VIT: variants seen among roughly 807,000 people sequenced by gnomAD.
VIT encodes the protein vitrin.
VIT carries 99 observed loss-of-function variants against 78.0 expected under a neutral mutation model. That is an observed-to-expected ratio of 1.27 (90% confidence interval 1.08 to 1.50). The LOEUF is 1.50. Ranked by LOEUF, VIT falls within the 40% of genes most tolerant of loss-of-function variation. The pLI, the probability that VIT is intolerant of heterozygous loss-of-function variation, is 0.00. For synonymous variants in VIT, 374 were observed against 334.3 expected (o/e 1.12, Z -1.29); for missense variants, 1,126 against 875.3 (o/e 1.29, Z -3.61).
intron 6 of VIT, among the ~76,000 whole-genome samples, chr2:36,763,477 G>T (rs906215209): frequency 6.6e-6 from 1 of 151,100 alleles, no homozygotes; most frequent in African/African-American, 2.4e-5. Context: ...GGCTCAAAAA[G>T]AACTTGGTTC....
chr2:36,716,549 A>C, intron 2 of VIT, 127 bp downstream of exon 2: 1 of 758,606 alleles, frequency 1.3e-6, no homozygotes, highest in East Asian at 2.7e-5. Flanking sequence ...TTTTATAAGA[A>C]ACATTTTGAA....
At chr2:36,797,171 C>G (rs1160907649) in intron 12 of VIT, among the ~76,000 whole-genome samples, 4 of 150,922 alleles carry the variant, frequency 2.7e-5, no homozygotes, top group Admixed American at 1.3e-4. Context: ...ACTTTAAGGA[C>G]TCTGAAGCTT....
chr2:36,769,557 C>T (rs1295991267), intron 7 of VIT, among the ~76,000 whole-genome samples: 1 of 152,254 alleles, frequency 6.6e-6, no homozygotes, highest in South Asian at 2.1e-4. Context: ...GGATAGGAAC[C>T]AAACTGGGGA....
intron 14 of VIT, 54 bp from the exon 15 acceptor site, chr2:36,808,418 A>C: frequency 6.5e-7 from 1 of 1,547,660 alleles, no homozygotes; most frequent in South Asian, 1.2e-5. Context: ...CCTAATGGTG[A>C]CACTGGAGGA....
At chr2:36,765,612 A>T (rs1332006909) in intron 6 of VIT, among the ~76,000 whole-genome samples, 1 of 152,154 alleles carries the variant, frequency 6.6e-6, no homozygotes, top group Non-Finnish European at 1.5e-5. Flanking sequence ...TTGGGTGGGG[A>T]CACGGACCCA....
At chr2:36,806,616 G>T (rs926187672) in intron 14 of VIT, among the ~76,000 whole-genome samples, 5 of 152,062 alleles carry the variant, frequency 3.3e-5, no homozygotes, top group Non-Finnish European at 5.9e-5. Context: ...GCGCGATCTC[G>T]GCTCACTGCA....
intron 12 of VIT, among the ~76,000 whole-genome samples, chr2:36,795,198 A>T (rs1665786193): frequency 6.6e-6 from 1 of 152,036 alleles, no homozygotes; most frequent in Non-Finnish European, 1.5e-5. Context: ...CTACTCCTTA[A>T]AGTTTAAATT....
At chr2:36,736,903 A>G (rs1382433400) in intron 3 of VIT, among the ~76,000 whole-genome samples, 1 of 152,154 alleles carries the variant, frequency 6.6e-6, no homozygotes. Context: ...CTGAAGTCAA[A>G]CCATTGTAAA....
intron 1 of VIT, among the ~76,000 whole-genome samples, chr2:36,714,967 C>G (rs1251671415): frequency 6.6e-6 from 1 of 152,206 alleles, no homozygotes; most frequent in Non-Finnish European, 1.5e-5. Context: ...TCAGCATTTT[C>G]ATATCTATTG....
At chr2:36,697,270 T>G (rs893940153) in intron 1 of VIT, among the ~76,000 whole-genome samples, 1 of 152,248 alleles carries the variant, frequency 6.6e-6, no homozygotes, top group African/African-American at 2.4e-5. Context: ...GTATGACATT[T>G]GTGTAGAATT....
rs771420599 is a variant in VIT, at chr2:36,808,461, C to T, written c.1390-11C>T. On this transcript the variant is annotated splice_polypyrimidine_tract_variant and intron_variant, in intron 14 of 15. Transcript: ENST00000379242. ...CTGACGTGGCGTGGGTCCCTCCCCT[C>T]TGTCTTCTAGGCCGTGTGCAGAACA... is the stretch of plus-strand genomic sequence containing the variant. The T allele has an allele frequency of 1.9e-6, 3 of 1,590,434 alleles. No homozygotes were observed. Among genetic ancestry groups the T allele is most frequent in the African/African-American group, 2.7e-5 (2 of 74,560 alleles).
At chr2:36,716,872 T>TG in intron 2 of VIT, among the ~76,000 whole-genome samples, 1 of 34,450 alleles carries the variant, frequency 2.9e-5, no homozygotes, top group African/African-American at 6.8e-5. Flanking sequence ...GATGATTCTT[T>TG]TTTTTTTTTT....
intron 11 of VIT, among the ~76,000 whole-genome samples, chr2:36,783,667 G>A (rs1664909562): frequency 6.6e-6 from 1 of 152,204 alleles, no homozygotes; most frequent in African/African-American, 2.4e-5. Flanking sequence ...AGACAAGGAA[G>A]GATGAAAGGA....
At chr2:36,750,637 A>G (rs556037748) in intron 4 of VIT, among the ~76,000 whole-genome samples, 3 of 151,674 alleles carry the variant, frequency 2.0e-5, no homozygotes, top group Non-Finnish European at 4.4e-5. Context: ...CCTGGCCAAC[A>G]TGGTGAAACC....
At chr2:36,721,339 T>C (rs543239612) in intron 2 of VIT, among the ~76,000 whole-genome samples, 49 of 152,156 alleles carry the variant, frequency 3.2e-4, no homozygotes, top group Non-Finnish European at 6.6e-4. Flanking sequence ...AAGCTTGCGT[T>C]CACATAGTCC....
chr2:36,759,107 T>G (rs1457651648), intron 6 of VIT, 61 bp downstream of exon 6: 4 of 1,614,086 alleles, frequency 2.5e-6, no homozygotes, highest in Admixed American at 1.7e-5. Context: ...CGACGTGTTT[T>G]GGGAGATAGC....
At position 36,767,247 on chromosome 2, in the gene VIT, C is replaced by T. The variant is rs1669488270; in HGVS notation, c.641C>T (p.Pro214Leu). ...SPSAASTTSI[P>L]RPQSVGHRSQ... The stretch of plus-strand genomic sequence containing the variant: ...TCTGCTGCTTCTACCACCAGCATCC[C>T]CAGACCACAATCAGTGGGCCACAGG... Residue 214 changes from proline (P) to leucine (L), a missense_variant, in exon 7 of 16, where the codon CCC becomes CTC. Transcript: ENST00000379242. 1 of 1,593,260 alleles carries T rather than the reference C, an allele frequency of 6.3e-7. No individual in the cohort carries two copies. The highest frequency in any genetic ancestry group is 2.3e-5 in the East Asian group (1 of 43,704).
intron 2 of VIT, among the ~76,000 whole-genome samples, chr2:36,729,178 C>CCTAGGTTTGTAGTAGACCAT (rs1667042432): frequency 6.6e-6 from 1 of 152,046 alleles, no homozygotes. Flanking sequence ...TATCATACAG[C>CCTAGGTTTGTAGTAGACCAT]CTAGGTTTGT....
At chr2:36,758,829 T>C (rs1668926526) in intron 5 of VIT, 140 bp from the exon 6 acceptor site, 1 of 749,688 alleles carries the variant, frequency 1.3e-6, no homozygotes, top group African/African-American at 1.7e-5. Context: ...CTCATTGTAA[T>C]CAACTATTCA....
Sources: allele counts gnomAD v4.1 joint callset (sites outside exome capture counted in the v4.1 genomes callset), GRCh38; gene constraint gnomAD v4.1.1; transcripts MANE v1.5; gene names NCBI Gene and HGNC (gene_info 2026-07-23, HGNC 2026-07-21).